NCAM2: variants seen among roughly 807,000 people sequenced by gnomAD.
NCAM2 encodes neural cell adhesion molecule 2.
Under a neutral mutation model 98.1 loss-of-function variants are expected in NCAM2, and 30 were observed. The ratio of observed to expected loss-of-function variants is 0.31; its 90% CI spans 0.23 to 0.41. The LOEUF is 0.41. NCAM2 is among the 10% of genes least tolerant of loss of function. The pLI is 1.00. For synonymous variants in NCAM2, 368 were observed against 342.4 expected, an observed-to-expected ratio of 1.07 and a Z score of -0.83; for missense variants, 867 against 1,005.8, an observed-to-expected ratio of 0.86 and a Z score of 1.87.
chr21:21,528,506 G>A (rs1989450298), intron 16 of NCAM2, among the ~76,000 whole-genome samples: 1 of 151,934 alleles, frequency 6.6e-6, no homozygotes, highest in Non-Finnish European at 1.5e-5. Context: ...AATTAAAACT[G>A]GTCTAAATTA....
At chr21:21,504,090 T>A (rs1463821062) in intron 15 of NCAM2, among the ~76,000 whole-genome samples, 1 of 151,968 alleles carries the variant, frequency 6.6e-6, no homozygotes, top group African/African-American at 2.4e-5. Flanking sequence ...ATGTATTTGC[T>A]GTATTGCTGT....
intron 1 of NCAM2, among the ~76,000 whole-genome samples, chr21:21,202,237 G>A (rs191319134): frequency 2.1e-4 from 32 of 152,006 alleles, no homozygotes; most frequent in African/African-American, 7.7e-4. Flanking sequence ...ATATAAATCT[G>A]GTGATAATAA....
At chr21:21,067,334 C>T (rs919650939) in intron 1 of NCAM2, among the ~76,000 whole-genome samples, 4 of 151,974 alleles carry the variant, frequency 2.6e-5, no homozygotes, top group East Asian at 1.9e-4. Flanking sequence ...TTGTGTACCA[C>T]GTTTGTAATA....
At chr21:21,013,114 G>C (rs2064240383) in intron 1 of NCAM2, among the ~76,000 whole-genome samples, 2 of 152,136 alleles carry the variant, frequency 1.3e-5, no homozygotes, top group Admixed American at 1.3e-4. Flanking sequence ...ACGGGTCACA[G>C]GTCTCTCCCT....
At position 21,457,669 on chromosome 21, in the gene NCAM2, C is replaced by T. The variant is rs1174050199; in HGVS notation, c.1655-8937C>T. ...AAAAAAAAAAAAGTGGTGAAGAACT[C>T]AGGTACACTATGTTAGTATGCTAGT... On this transcript the variant is annotated intron_variant, in intron 12 of 17. Coordinates refer to ENST00000400546, the MANE Select transcript of NCAM2 (RefSeq NM_004540.5). Among the ~76,000 whole-genome samples the T allele has an allele frequency of 3.3e-5, 5 of 151,504 alleles. No individual in the cohort carries two copies. The South Asian group carries it at 6.3e-4, about 19-fold the overall frequency.
At chr21:21,216,586 G>A (rs1000616860) in intron 1 of NCAM2, among the ~76,000 whole-genome samples, 2 of 152,206 alleles carry the variant, frequency 1.3e-5, no homozygotes, top group South Asian at 4.1e-4. Flanking sequence ...ATTACTGTGA[G>A]ATTAGGGAAC....
intron 16 of NCAM2, among the ~76,000 whole-genome samples, chr21:21,510,742 C>T (rs866019888): frequency 8.6e-4 from 4 of 4,634 alleles, no homozygotes; most frequent in African/African-American, 3.7e-3. Flanking sequence ...TCATTTTTTA[C>T]ATATTTCTGC....
chr21:21,326,602 A>T (rs2074517427), intron 6 of NCAM2, among the ~76,000 whole-genome samples: 1 of 152,008 alleles, frequency 6.6e-6, no homozygotes, highest in South Asian at 2.1e-4. Context: ...CTGTTTTCTT[A>T]TATTTAATTA....
At chr21:21,439,425 G>A (rs1569065188) in intron 12 of NCAM2, among the ~76,000 whole-genome samples, 2 of 152,116 alleles carry the variant, frequency 1.3e-5, no homozygotes, top group South Asian at 2.1e-4. Flanking sequence ...CACTGCGCCC[G>A]GCCTTCAGGT....
intron 1 of NCAM2, among the ~76,000 whole-genome samples, chr21:21,155,361 A>C (rs1017047081): frequency 6.6e-6 from 1 of 151,572 alleles, no homozygotes; most frequent in South Asian, 2.1e-4. Flanking sequence ...AAATTTTCTC[A>C]TTTTAATAGC....
At chr21:21,239,449 A>G (rs2070979441) in intron 1 of NCAM2, 1 of 152,182 alleles carries the variant, frequency 6.6e-6, no homozygotes, top group South Asian at 2.1e-4. Flanking sequence ...CATAAAAATT[A>G]TCTCCCTTTA....
intron 1 of NCAM2, among the ~76,000 whole-genome samples, chr21:21,146,650 T>C (rs1475313421): frequency 6.6e-6 from 1 of 151,356 alleles, no homozygotes; most frequent in East Asian, 1.9e-4. Context: ...AAAGAACAGC[T>C]TTAAAAAAAA....
intron 1 of NCAM2, among the ~76,000 whole-genome samples, chr21:21,116,424 A>G (rs1015492442): frequency 6.6e-6 from 1 of 152,180 alleles, no homozygotes; most frequent in Non-Finnish European, 1.5e-5. Flanking sequence ...AATAACTCTG[A>G]TATACCACAA....
intron 8 of NCAM2, among the ~76,000 whole-genome samples, chr21:21,351,729 ATTTG>A (rs2075345407): frequency 1.4e-5 from 2 of 148,142 alleles, no homozygotes; most frequent in Admixed American, 6.6e-5. Context: ...CTATTTGTTC[ATTTG>A]TTTGTTTCTG....
At chr21:21,453,120 AAC>A (rs1397879623) in intron 12 of NCAM2, among the ~76,000 whole-genome samples, 1 of 135,328 alleles carries the variant, frequency 7.4e-6, no homozygotes, top group Non-Finnish European at 1.5e-5. Context: ...TATATATAAT[AAC>A]AAAATATATA....
intron 1 of NCAM2, among the ~76,000 whole-genome samples, chr21:21,159,317 T>C (rs2146766672): frequency 6.6e-6 from 1 of 152,250 alleles, no homozygotes; most frequent in African/African-American, 2.4e-5. Flanking sequence ...TAAATAAATT[T>C]AGTGTAGTAT....
intron 9 of NCAM2, among the ~76,000 whole-genome samples, chr21:21,386,535 G>T (rs1398715356): frequency 1.3e-5 from 2 of 152,092 alleles, no homozygotes; most frequent in Non-Finnish European, 2.9e-5. Flanking sequence ...TCATCCAGAA[G>T]ATAAAAAGAA....
intron 12 of NCAM2, among the ~76,000 whole-genome samples, chr21:21,455,449 T>A (rs1981998586): frequency 6.6e-6 from 1 of 151,854 alleles, no homozygotes; most frequent in Non-Finnish European, 1.5e-5. Context: ...ATAGAATAAT[T>A]CAAATAAGCA....
At chr21:21,474,592 C>A (rs1984906400) in intron 14 of NCAM2, among the ~76,000 whole-genome samples, 1 of 151,756 alleles carries the variant, frequency 6.6e-6, no homozygotes, top group African/African-American at 2.4e-5. Flanking sequence ...CATAACAAAA[C>A]TGAATTCCAA....
Sources: allele counts gnomAD v4.1 joint callset (sites outside exome capture counted in the v4.1 genomes callset), GRCh38; gene constraint gnomAD v4.1.1; transcripts MANE v1.5; gene names NCBI Gene and HGNC (gene_info 2026-07-23, HGNC 2026-07-21).